Variants in DYNC1I1 observed in about 807,000 individuals in gnomAD.
DYNC1I1 encodes the protein dynein cytoplasmic 1 intermediate chain 1.
A neutral mutation model predicts 86.6 loss-of-function variants in DYNC1I1; 43 were observed. The observed-to-expected ratio is 0.50, with a 90% CI of 0.39 to 0.64. The LOEUF is 0.64. Ranked by LOEUF, DYNC1I1 falls within the 30% of genes least tolerant of loss-of-function variation. The probability of loss-of-function intolerance (pLI) is 0.00; values close to 1 mark genes in which losing one functional copy is unlikely to be tolerated. For synonymous variants in DYNC1I1, 262 were observed against 283.7 expected, an observed-to-expected ratio of 0.92 and a Z score of 0.77; for missense variants, 604 against 788.8, an observed-to-expected ratio of 0.77 and a Z score of 2.81.
chr7:95,977,675 A>G (rs1208193020), intron 7 of DYNC1I1, 74 bp downstream of exon 7: 1 of 1,381,366 alleles, frequency 7.2e-7, no homozygotes, highest in African/African-American at 1.5e-5. Context: ...ATAAGAGACT[A>G]TAGAGCTAAG....
chr7:95,898,824 A>G (rs184438891), intron 6 of DYNC1I1, among the ~76,000 whole-genome samples: 1 of 152,282 alleles, frequency 6.6e-6, no homozygotes, highest in East Asian at 1.9e-4. Flanking sequence ...GATTAAGTTT[A>G]ATGCCCTGGA....
chr7:96,095,116 C>A (rs779169635), intron 16 of DYNC1I1, among the ~76,000 whole-genome samples: 1 of 152,058 alleles, frequency 6.6e-6, no homozygotes, highest in Non-Finnish European at 1.5e-5. Context: ...GTAGTTCACT[C>A]GCTGGCTTAT....
At chr7:95,802,672 T>A (rs1480184556) in intron 1 of DYNC1I1, 1 of 152,182 alleles carries the variant, frequency 6.6e-6, no homozygotes, top group Non-Finnish European at 1.5e-5. Context: ...TTTTCTTTTT[T>A]AAAACAGTCT....
intron 5 of DYNC1I1, among the ~76,000 whole-genome samples, chr7:95,838,520 A>G (rs977834401): frequency 1.3e-5 from 2 of 152,206 alleles, no homozygotes; most frequent in Non-Finnish European, 2.9e-5. Context: ...TGGTTATTCA[A>G]GGTCTTTTGG....
At chr7:95,897,705 T>A (rs955332944) in intron 6 of DYNC1I1, among the ~76,000 whole-genome samples, 5 of 151,220 alleles carry the variant, frequency 3.3e-5, no homozygotes, top group Admixed American at 6.6e-5. Flanking sequence ...CTCATTTTTT[T>A]AAATGTGTTC....
chr7:96,048,874 G>A (rs1299216247), intron 14 of DYNC1I1, among the ~76,000 whole-genome samples: 1 of 152,144 alleles, frequency 6.6e-6, no homozygotes, highest in African/African-American at 2.4e-5. Context: ...AAACAGTTAC[G>A]CTTGAAACTT....
intron 1 of DYNC1I1, among the ~76,000 whole-genome samples, chr7:95,798,215 A>C (rs1179351555): frequency 6.6e-6 from 1 of 152,202 alleles, no homozygotes; most frequent in African/African-American, 2.4e-5. Flanking sequence ...GCATCGTCCT[A>C]CTATAAGGTG....
At chr7:96,041,431 C>A (rs1451727940) in intron 14 of DYNC1I1, among the ~76,000 whole-genome samples, 1 of 152,126 alleles carries the variant, frequency 6.6e-6, no homozygotes, top group African/African-American at 2.4e-5. Flanking sequence ...AAAAATAATA[C>A]ATGTTTTAAC....
intron 10 of DYNC1I1, among the ~76,000 whole-genome samples, chr7:96,027,428 A>G (rs1190056127): frequency 6.6e-6 from 1 of 152,218 alleles, no homozygotes; most frequent in Admixed American, 6.5e-5. Context: ...TTTCCTACAA[A>G]ATGTACTGCC....
rs374303068 is a variant in DYNC1I1, at chr7:96,076,101, G to A, written c.1554G>A (p.Val518=). The change falls in exon 15 of 17, where the codon GTG becomes GTA. Residue 518 remains valine, a synonymous_variant. Coordinates refer to ENST00000447467, the MANE Select transcript of DYNC1I1 (RefSeq NM_001135556.2). ...LYSFEDNADY[V]YDVMWSPVHP... is the part of the protein sequence containing the mutation. ...CCTTTGAAGACAATGCAGACTATGT[G>A]TACGATGTCATGTGGTCCCCCGTGC... 8.7e-6 allele frequency: 14 copies of A among 1,614,116 alleles called. No individual in the cohort carries two copies. The highest frequency in any genetic ancestry group is 1.2e-5 in the Non-Finnish European group (14 of 1,180,054).
In DYNC1I1 at chr7:95,774,252, C is replaced by G. The variant is rs557956057; in HGVS notation, c.-10+1479C>G. ...TTTTCCAGCCTGTCAAGCTCTTAGCCCTGTTTCTGGCCCACAGCATCTCAG... is the reference window on the plus strand; with the variant it reads ...TTTTCCAGCCTGTCAAGCTCTTAGCGCTGTTTCTGGCCCACAGCATCTCAG... On this transcript the variant is annotated intron_variant, in intron 1 of 16. Transcript: ENST00000447467. Among the ~76,000 whole-genome samples, 9 of 152,214 alleles carry G rather than the reference C, an allele frequency of 5.9e-5. No individual in the cohort carries two copies. In the South Asian group the frequency reaches 1.9e-3, roughly 32 times the overall value.
chr7:96,002,207 G>A (rs1042520848), intron 10 of DYNC1I1, among the ~76,000 whole-genome samples: 1 of 152,056 alleles, frequency 6.6e-6, no homozygotes, highest in African/African-American at 2.4e-5. Context: ...TCACCTGACT[G>A]GCTCCTCTCA....
intron 6 of DYNC1I1, among the ~76,000 whole-genome samples, chr7:95,882,440 A>G (rs1584123362): frequency 6.6e-6 from 1 of 152,180 alleles, no homozygotes; most frequent in East Asian, 1.9e-4. Flanking sequence ...CTGGATAGGA[A>G]GTTTGAGCAT....
chr7:95,776,795 C>A (rs530244399), intron 1 of DYNC1I1, among the ~76,000 whole-genome samples: 3 of 152,290 alleles, frequency 2.0e-5, no homozygotes, highest in Non-Finnish European at 4.4e-5. Flanking sequence ...GGCAGGCAGT[C>A]CTAGCTTGGC....
chr7:95,944,522 G>A (rs1792337690), intron 6 of DYNC1I1, among the ~76,000 whole-genome samples: 1 of 152,140 alleles, frequency 6.6e-6, no homozygotes. Context: ...TCCCATTACT[G>A]GGTATATACC....
chr7:96,057,534 C>G (rs186832612), intron 14 of DYNC1I1, among the ~76,000 whole-genome samples: 1 of 152,240 alleles, frequency 6.6e-6, no homozygotes, highest in Non-Finnish European at 1.5e-5. Flanking sequence ...AAATTATCTA[C>G]CAGGTTTTTT....
At chr7:95,798,282 A>G (rs1198080091) in intron 1 of DYNC1I1, among the ~76,000 whole-genome samples, 2 of 152,018 alleles carry the variant, frequency 1.3e-5, no homozygotes, top group East Asian at 3.9e-4. Context: ...AATTTAGAAA[A>G]TAACCCTCCT....
At chr7:95,853,052 T>A (rs1246097888) in intron 5 of DYNC1I1, among the ~76,000 whole-genome samples, 2 of 152,226 alleles carry the variant, frequency 1.3e-5, no homozygotes, top group East Asian at 3.8e-4. Context: ...TTGTTTAATT[T>A]TCATTTATTT....
chr7:95,861,453 G>T (rs1038014544), intron 5 of DYNC1I1, among the ~76,000 whole-genome samples: 1 of 152,068 alleles, frequency 6.6e-6, no homozygotes, highest in African/African-American at 2.4e-5. Context: ...TGCACAAAAG[G>T]TATAATATTC....
Sources: allele counts gnomAD v4.1 joint callset (sites outside exome capture counted in the v4.1 genomes callset), GRCh38; gene constraint gnomAD v4.1.1; transcripts MANE v1.5; gene names NCBI Gene and HGNC (gene_info 2026-07-23, HGNC 2026-07-21).